The following GRIP1 variants were observed in gnomAD, a reference collection of about 807,000 sequenced individuals.
GRIP1 encodes the protein glutamate receptor-interacting protein 1.
In GRIP1, 45 loss-of-function variants were observed where a neutral mutation model predicts 129.9. The observed-to-expected ratio is 0.35, with a 90% CI of 0.27 to 0.44. GRIP1 has a LOEUF of 0.44. Ranked by LOEUF, GRIP1 falls within the 20% of genes least tolerant of loss-of-function variation. GRIP1 has a pLI of 1.00. For missense variants in GRIP1, 1,196 were observed against 1,396.8 expected, an observed-to-expected ratio of 0.86 and a Z score of 2.29; for synonymous variants, 530 against 520.8, an observed-to-expected ratio of 1.02 and a Z score of -0.24.
intron 2 of GRIP1, chr12:66,568,329 G>A (rs11176271): frequency 0.032 from 5,614 of 177,618 alleles, 332 homozygotes; most frequent in African/African-American, 0.13. Context: ...CAAAAAGGTT[G>A]GATATGCAAA....
At chr12:66,540,035 T>C (rs1461760178) in intron 3 of GRIP1, among the ~76,000 whole-genome samples, 5 of 152,214 alleles carry the variant, frequency 3.3e-5, no homozygotes, top group Non-Finnish European at 7.3e-5. Flanking sequence ...CAATCATTCC[T>C]CCTTCAAAGA....
intron 1 of GRIP1, among the ~76,000 whole-genome samples, chr12:66,699,463 A>T (rs2035275939): frequency 6.6e-6 from 1 of 152,118 alleles, no homozygotes; most frequent in Admixed American, 6.6e-5. Flanking sequence ...GGTAGTGAAT[A>T]AGTCTCATGA....
intron 2 of GRIP1, among the ~76,000 whole-genome samples, chr12:66,553,009 C>T (rs2062193925): frequency 6.6e-6 from 1 of 152,184 alleles, no homozygotes; most frequent in South Asian, 2.1e-4. Context: ...ATATCAAGGA[C>T]AGCTCTCACA....
At chr12:66,366,692 G>A (rs771553571) in intron 23 of GRIP1, among the ~76,000 whole-genome samples, 21 of 152,100 alleles carry the variant, frequency 1.4e-4, no homozygotes, top group Non-Finnish European at 2.8e-4. Flanking sequence ...TTTTGTTTTT[G>A]TTTTTTAAAG....
chr12:66,787,468 G>C (rs1020788787), intron 1 of GRIP1, among the ~76,000 whole-genome samples: 1 of 152,108 alleles, frequency 6.6e-6, no homozygotes, highest in Non-Finnish European at 1.5e-5. Context: ...GTCTTCCACT[G>C]TGCCCCCTCC....
intron 1 of GRIP1, among the ~76,000 whole-genome samples, chr12:66,977,212 T>G (rs1485850038): frequency 6.6e-6 from 1 of 151,936 alleles, no homozygotes; most frequent in Non-Finnish European, 1.5e-5. Context: ...TTTTTTTTTT[T>G]TGTCAAATCA....
At chr12:66,850,797 G>A (rs754468736) in intron 1 of GRIP1, among the ~76,000 whole-genome samples, 1 of 151,484 alleles carries the variant, frequency 6.6e-6, no homozygotes, top group South Asian at 2.1e-4. Flanking sequence ...ATACACACAC[G>A]GCTAATATAT....
Position 66,377,638 on chromosome 12 carries a change from C to CTTTTTTTTTTT in GRIP1, c.2622-364_2622-354dup, listed in dbSNP as rs3045282. 8.8e-3 allele frequency among the ~76,000 whole-genome samples: 1,096 copies of CTTTTTTTTTTT among 124,392 alleles called. 34 individuals carry two copies. Among genetic ancestry groups the CTTTTTTTTTTT allele is most frequent in the African/African-American group, 0.033 (1,046 of 31,684 alleles). 81.6% of individuals were successfully genotyped at this position (124,392 alleles called of 152,430 possible). On this transcript the variant is annotated intron_variant, in intron 20 of 24. Coordinates refer to ENST00000359742, the MANE Select transcript of GRIP1 (RefSeq NM_001366722.1). Reference sequence around the variant, plus strand: ...GTAGGCGTGAGCCACCGCACCCGGCCTTTTTTTTTTTTTTTTTTGGATTCA... The same window carrying CTTTTTTTTTTT: ...GTAGGCGTGAGCCACCGCACCCGGCCTTTTTTTTTTTTTTTTTTTTTTTTTTTTTGGATTCA...
intron 7 of GRIP1, among the ~76,000 whole-genome samples, chr12:66,514,754 G>A (rs1208540619): frequency 6.6e-6 from 1 of 152,056 alleles, no homozygotes; most frequent in East Asian, 1.9e-4. Context: ...AGTCTTGTAT[G>A]ACATTGTTAT....
chr12:66,461,998 C>T (rs908389444), intron 9 of GRIP1, among the ~76,000 whole-genome samples: 1 of 152,156 alleles, frequency 6.6e-6, no homozygotes, highest in Non-Finnish European at 1.5e-5. Flanking sequence ...AACTTGACTT[C>T]ATTTGATTTG....
At chr12:66,409,869 C>A (rs1452439657) in intron 15 of GRIP1, among the ~76,000 whole-genome samples, 2 of 152,094 alleles carry the variant, frequency 1.3e-5, no homozygotes, top group Non-Finnish European at 2.9e-5. Flanking sequence ...TTTAAAAAAT[C>A]CAGCAGAAAT....
intron 7 of GRIP1, among the ~76,000 whole-genome samples, chr12:66,476,046 C>CA (rs146449800): frequency 6.6e-6 from 1 of 151,874 alleles, no homozygotes; most frequent in African/African-American, 2.4e-5. Context: ...GATAGAGACA[C>CA]AAAAAACCCT....
intron 15 of GRIP1, among the ~76,000 whole-genome samples, chr12:66,412,661 T>C (rs2137737349): frequency 6.6e-6 from 1 of 152,218 alleles, no homozygotes; most frequent in East Asian, 1.9e-4. Context: ...ACAGGATAAA[T>C]GCCCCAGTTA....
intron 1 of GRIP1, among the ~76,000 whole-genome samples, chr12:67,032,815 C>A (rs77242523): frequency 6.6e-6 from 1 of 151,960 alleles, no homozygotes; most frequent in East Asian, 1.9e-4. Flanking sequence ...GGAAGCAACA[C>A]GTATAATCTT....
intron 1 of GRIP1, among the ~76,000 whole-genome samples, chr12:66,898,268 A>G (rs927306914): frequency 2.6e-5 from 4 of 152,146 alleles, no homozygotes; most frequent in Non-Finnish European, 5.9e-5. Flanking sequence ...GTTATAGCTT[A>G]TGGCATTTTT....
intron 1 of GRIP1, among the ~76,000 whole-genome samples, chr12:66,982,699 A>C (rs1441509629): frequency 6.6e-6 from 1 of 152,180 alleles, no homozygotes; most frequent in East Asian, 1.9e-4. Context: ...GTTCACCCCC[A>C]GTCAAGTCTT....
At chr12:66,604,931 G>C (rs1191743253) in intron 1 of GRIP1, among the ~76,000 whole-genome samples, 1 of 151,964 alleles carries the variant, frequency 6.6e-6, no homozygotes, top group Non-Finnish European at 1.5e-5. Flanking sequence ...ATAAGAACCA[G>C]TGTTTGATTT....
At chr12:66,485,766 C>T (rs1367049641) in intron 7 of GRIP1, among the ~76,000 whole-genome samples, 1 of 151,938 alleles carries the variant, frequency 6.6e-6, no homozygotes, top group African/African-American at 2.4e-5. Context: ...TATATTTTCT[C>T]CACATGGATA....
chr12:66,513,481 T>C (rs543118984), intron 7 of GRIP1, among the ~76,000 whole-genome samples: 1 of 152,294 alleles, frequency 6.6e-6, no homozygotes, highest in South Asian at 2.1e-4. Flanking sequence ...TTTATGTATT[T>C]AAGTATTCTT....
Sources: allele counts gnomAD v4.1 joint callset (sites outside exome capture counted in the v4.1 genomes callset), GRCh38; gene constraint gnomAD v4.1.1; transcripts MANE v1.5; gene names NCBI Gene and HGNC (gene_info 2026-07-23, HGNC 2026-07-21).